RNGTT: variants seen among roughly 807,000 people sequenced by gnomAD.
RNGTT encodes mRNA-capping enzyme.
Under a neutral mutation model 79.3 loss-of-function variants are expected in RNGTT, and 33 were observed. The observed-to-expected ratio is 0.42, with a 90% confidence interval of 0.32 to 0.56. The LOEUF (loss-of-function observed/expected upper bound fraction) is 0.56, where lower values mean the gene tolerates loss of function less well. Among genes scored for constraint, RNGTT ranks in the 20% least tolerant of loss-of-function variants. RNGTT has a pLI of 0.17. For synonymous variants in RNGTT, 222 were observed against 235.9 expected (o/e 0.94, Z 0.54); for missense variants, 497 against 739.1 (o/e 0.67, Z 3.80).
intron 1 of RNGTT, among the ~76,000 whole-genome samples, chr6:88,956,003 T>C (rs191913503): frequency 0.023 from 3,099 of 132,056 alleles, 51 homozygotes; most frequent in Non-Finnish European, 0.032. Flanking sequence ...ATGGCATCAC[T>C]GCACTCCAGC....
chr6:88,803,907 C>T (rs1307948540), intron 11 of RNGTT, among the ~76,000 whole-genome samples: 1 of 152,102 alleles, frequency 6.6e-6, no homozygotes, highest in Non-Finnish European at 1.5e-5. Context: ...ATTTTTTATT[C>T]TACTCTTTTT....
chr6:88,854,864 T>C (rs952837994), intron 8 of RNGTT, among the ~76,000 whole-genome samples: 13 of 152,198 alleles, frequency 8.5e-5, no homozygotes, highest in African/African-American at 3.1e-4. Flanking sequence ...GATGGACTGA[T>C]GTTGAAGACA....
intron 8 of RNGTT, among the ~76,000 whole-genome samples, chr6:88,861,412 G>T (rs920100338): frequency 6.6e-6 from 1 of 152,042 alleles, no homozygotes; most frequent in Non-Finnish European, 1.5e-5. Flanking sequence ...TCCCCATGGG[G>T]CTCATGCACA....
intron 6 of RNGTT, among the ~76,000 whole-genome samples, chr6:88,902,377 A>T (rs1783501237): frequency 6.6e-6 from 1 of 152,148 alleles, no homozygotes. Context: ...AGGCAGGAAG[A>T]TTACTTTAGG....
At chr6:88,702,599 T>C (rs970991201) in intron 13 of RNGTT, among the ~76,000 whole-genome samples, 1 of 152,068 alleles carries the variant, frequency 6.6e-6, no homozygotes, top group South Asian at 2.1e-4. Context: ...CCTCAAACTA[T>C]AAGAATCCTA....
chr6:88,948,543 T>G (rs1164735631), intron 1 of RNGTT, among the ~76,000 whole-genome samples: 1 of 145,904 alleles, frequency 6.9e-6, no homozygotes, highest in Non-Finnish European at 1.5e-5. Flanking sequence ...GAGGGGCGCC[T>G]CTGCCCAGCC....
intron 4 of RNGTT, among the ~76,000 whole-genome samples, chr6:88,918,089 G>A (rs138913710): frequency 7.9e-5 from 12 of 151,166 alleles, no homozygotes; most frequent in Non-Finnish European, 1.3e-4. Flanking sequence ...AGGCCGAGGC[G>A]GGAATATCAC....
chr6:88,786,131 A>G (rs9342160), intron 12 of RNGTT, among the ~76,000 whole-genome samples: 20,825 of 152,154 alleles, frequency 0.14, 1,560 homozygotes, highest in Middle Eastern at 0.22. Context: ...TCTTACTTCA[A>G]TTATACAATC....
At chr6:88,700,064 C>T (rs1336141995) in intron 13 of RNGTT, among the ~76,000 whole-genome samples, 4 of 152,050 alleles carry the variant, frequency 2.6e-5, no homozygotes, top group Non-Finnish European at 5.9e-5. Flanking sequence ...GGTTTCAATG[C>T]TGAATAGTAG....
intron 11 of RNGTT, among the ~76,000 whole-genome samples, chr6:88,815,860 T>TA (rs913240277): frequency 1.1e-4 from 16 of 152,332 alleles, no homozygotes; most frequent in Admixed American, 8.5e-4. Flanking sequence ...AGCTGTAAAC[T>TA]AAACATGTTC....
intron 13 of RNGTT, among the ~76,000 whole-genome samples, chr6:88,708,316 C>G (rs9294411): frequency 0.041 from 6,272 of 152,178 alleles, 430 homozygotes; most frequent in African/African-American, 0.14. Flanking sequence ...CTGCAGCCAG[C>G]TTAGCTCCCC....
At position 88,853,879 on chromosome 6, in the gene RNGTT, T is replaced by C. The variant is rs1176022193; in HGVS notation, c.897-115A>G. ...TAAACATCTGTAGACTAATGTTCACTGGAGTCTCTTTATCATGTAGATTAA... is the reference window on the plus strand; with the variant it reads ...TAAACATCTGTAGACTAATGTTCACCGGAGTCTCTTTATCATGTAGATTAA... On this transcript the variant is annotated intron_variant, in intron 8 of 15. Transcript: ENST00000369485. The C allele has an allele frequency of 7.1e-6, 4 of 561,860 alleles. No individual in the cohort carries two copies. In the East Asian group the frequency reaches 1.3e-4, roughly 18 times the overall value. 34.8% of individuals were successfully genotyped at this position (561,860 alleles called of 1,614,324 possible).
At chr6:88,850,146 A>G (rs752811089) in intron 9 of RNGTT, among the ~76,000 whole-genome samples, 3 of 152,036 alleles carry the variant, frequency 2.0e-5, no homozygotes, top group Non-Finnish European at 4.4e-5. Context: ...CAAATTTTAA[A>G]TTCTAAACGT....
intron 14 of RNGTT, among the ~76,000 whole-genome samples, chr6:88,625,459 G>C (rs2127767189): frequency 6.6e-6 from 1 of 152,074 alleles, no homozygotes; most frequent in East Asian, 1.9e-4. Context: ...GCTTTGAGCT[G>C]AACTGAAGAA....
chr6:88,930,622 G>A (rs1037963181), intron 2 of RNGTT, among the ~76,000 whole-genome samples: 1 of 152,076 alleles, frequency 6.6e-6, no homozygotes, highest in Non-Finnish European at 1.5e-5. Context: ...TCTAAGTTCT[G>A]CCAAAAAATT....
intron 4 of RNGTT, among the ~76,000 whole-genome samples, chr6:88,922,125 T>C (rs1178306713): frequency 2.0e-5 from 3 of 151,962 alleles, no homozygotes; most frequent in South Asian, 4.1e-4. Flanking sequence ...AGGCTGGACT[T>C]CAACTCCCAG....
chr6:88,625,723 CTGTATGTAGAAG>C lies in RNGTT; in HGVS notation c.1507-11340_1507-11329del, dbSNP rs1323265651. On this transcript the variant is annotated intron_variant, in intron 14 of 15. Transcript: ENST00000369485. ...CTCAAACACCAAAAGGAGTGAATTA[CTGTATGTAGAAG>C]GTGAATAAAAACAAAAATAATACAA... Among the ~76,000 whole-genome samples the C allele has an allele frequency of 2.6e-5, 4 of 151,584 alleles. No individual in the cohort carries two copies. The East Asian group carries it at 7.7e-4, about 29-fold the overall frequency.
At chr6:88,688,850 C>T (rs942503319) in intron 13 of RNGTT, among the ~76,000 whole-genome samples, 1 of 152,124 alleles carries the variant, frequency 6.6e-6, no homozygotes, top group Non-Finnish European at 1.5e-5. Context: ...ACAATGATGA[C>T]AAGGATGAAG....
chr6:88,931,187 T>TAAAAA (rs34070183), intron 2 of RNGTT, among the ~76,000 whole-genome samples: 173 of 101,678 alleles, frequency 1.7e-3, no homozygotes, highest in Non-Finnish European at 2.2e-3. Context: ...TATAAAGCTG[T>TAAAAA]AAAAAAAAAA....
Sources: gnomAD v4.1 joint callset for allele counts (sites outside exome capture counted in the v4.1 genomes callset) on GRCh38, gnomAD v4.1.1 for gene constraint, MANE v1.5 for transcripts, NCBI Gene and HGNC (gene_info 2026-07-23, HGNC 2026-07-21) for gene names.